LPA: variants seen among roughly 807,000 people sequenced by gnomAD.
LPA encodes the protein apolipoprotein(a).
Under a neutral mutation model 197.9 loss-of-function variants are expected in LPA, and 199 were observed. That is an observed-to-expected ratio of 1.01 (90% CI 0.90 to 1.13). The LOEUF (loss-of-function observed/expected upper bound fraction) is 1.13, where lower values mean the gene tolerates loss of function less well. LPA is among the 50% of genes most tolerant of loss of function. The pLI, the probability that LPA is intolerant of heterozygous loss-of-function variation, is 0.00. For missense variants in LPA, 1,853 were observed against 1,785.8 expected (o/e 1.04, Z -0.68); for synonymous variants, 715 against 639.5 (o/e 1.12, Z -1.78).
chr6:160,549,210 A>G (rs2115004883), intron 30 of LPA, among the ~76,000 whole-genome samples: 1 of 152,274 alleles, frequency 6.6e-6, no homozygotes, highest in East Asian at 1.9e-4. Context: ...ACACATGGGG[A>G]TTATCAGGAT....
chr6:160,553,066 A>G (rs1299592261), intron 30 of LPA, among the ~76,000 whole-genome samples: 1 of 152,184 alleles, frequency 6.6e-6, no homozygotes, highest in African/African-American at 2.4e-5. Context: ...AACTTCATGG[A>G]TAATGCAAAA....
In LPA at chr6:160,611,638, T is replaced by A. The variant is rs769737517; in HGVS notation, c.2527A>T (p.Thr843Ser). The A allele has an allele frequency of 6.3e-7, 1 of 1,580,858 alleles. No individual in the cohort carries two copies. Among genetic ancestry groups the A allele is most frequent in the Non-Finnish European group, 8.6e-7 (1 of 1,165,440 alleles). ...GACCAAGCTTGGCAGGTTCTTCCAG[T>A]GACAGTGGTGGAGTATGTGCCTCGA... ...SYRGTYSTTV[T>S]GRTCQAWSSM... The change falls in exon 16 of 39, where the codon ACT becomes TCT. Residue 843 changes from threonine to serine, a missense_variant. This residue lies in a region of LPA where 1,737 missense variants were observed against 1,504.4 expected (regional missense o/e 1.15). Transcript: ENST00000316300.
At chr6:160,563,844 T>C (rs1280802778) in intron 28 of LPA, among the ~76,000 whole-genome samples, 2 of 152,244 alleles carry the variant, frequency 1.3e-5, no homozygotes, top group African/African-American at 2.4e-5. Flanking sequence ...TTTTGATCTT[T>C]GATGGTTTAA....
intron 2 of LPA, among the ~76,000 whole-genome samples, chr6:160,647,269 G>C (rs757123187): frequency 1.3e-5 from 2 of 152,154 alleles, no homozygotes; most frequent in Non-Finnish European, 2.9e-5. Context: ...AAAAAACAAT[G>C]AATTAGGAGG....
chr6:160,585,664 G>T (rs986038819), intron 25 of LPA, among the ~76,000 whole-genome samples: 2 of 152,040 alleles, frequency 1.3e-5, no homozygotes, highest in Non-Finnish European at 2.9e-5. Flanking sequence ...AGATTCTGGG[G>T]TGTGGGGCAG....
At chr6:160,596,228 TG>T (rs1317616489) in intron 20 of LPA, among the ~76,000 whole-genome samples, 2 of 152,206 alleles carry the variant, frequency 1.3e-5, no homozygotes, top group African/African-American at 2.4e-5. Flanking sequence ...GCACCCTCAT[TG>T]GTCTGTCATT....
At chr6:160,606,880 T>C (rs967347631) in intron 16 of LPA, among the ~76,000 whole-genome samples, 2 of 152,180 alleles carry the variant, frequency 1.3e-5, no homozygotes, top group Non-Finnish European at 2.9e-5. Flanking sequence ...AAATCTAAAG[T>C]AGCAAACGCT....
chr6:160,575,190 C>G (rs7454656), intron 28 of LPA, among the ~76,000 whole-genome samples: 15 of 151,848 alleles, frequency 9.9e-5, no homozygotes, highest in Admixed American at 2.6e-4. Context: ...AATCTGTGAG[C>G]TTTTTTTTCT....
chr6:160,561,401 C>T (rs1478757903), intron 28 of LPA, among the ~76,000 whole-genome samples: 3 of 152,082 alleles, frequency 2.0e-5, no homozygotes, highest in Non-Finnish European at 4.4e-5. Context: ...ATTTCTGAGG[C>T]CTCTGTTCTG....
Position 160,532,568 on chromosome 6 carries a change from C to G in LPA, c.5924G>C (p.Cys1975Ser). ...NEVCNHYKYI[C>S]AEHLARGTDS... The stretch of plus-strand genomic sequence containing the variant: ...AGTGCCTCTGGCCAAATGCTCAGCA[C>G]AAATATACTTATAGTGATTGCACAC... The change falls in exon 38 of 39, where the codon TGT becomes TCT. Residue 1975 changes from cysteine (C) to serine (S), a missense_variant. Around this residue, in one of 3 missense-constraint regions of LPA, gnomAD observed 1,737 missense variants for 1,504.4 expected, o/e 1.15. Coordinates refer to ENST00000316300, the MANE Select transcript of LPA (RefSeq NM_005577.4). 1 of 1,613,160 alleles carries G rather than the reference C, an allele frequency of 6.2e-7. No individual in the cohort carries two copies. Among genetic ancestry groups the G allele is most frequent in the Admixed American group, 1.7e-5 (1 of 59,998 alleles).
chr6:160,556,343 A>G (rs9457938), intron 29 of LPA, among the ~76,000 whole-genome samples, 159 bp from the exon 30 acceptor site: 134,104 of 151,850 alleles, frequency 0.88, 59,566 homozygotes, highest in East Asian at 1. Context: ...TAGATTAATA[A>G]CATTCTAATA....
rs1777831582 is a variant in LPA at position 160,533,069 on chromosome 6, T to G, written c.5843-420A>C. ...CTATACTGATTTTTTCAATCAATGT[T>G]ATATCATGAGTTTTTAAAAAAATGC... On this transcript the variant is annotated intron_variant, in intron 37 of 38. Coordinates refer to ENST00000316300, the MANE Select transcript of LPA (RefSeq NM_005577.4). Among the ~76,000 whole-genome samples, 3 of 152,192 alleles carry G rather than the reference T, an allele frequency of 2.0e-5. No individual in the cohort carries two copies. The South Asian group carries it at 6.2e-4, about 32-fold the overall frequency.
intron 18 of LPA, among the ~76,000 whole-genome samples, chr6:160,604,368 T>C (rs1274391496): frequency 6.6e-6 from 1 of 152,192 alleles, no homozygotes; most frequent in East Asian, 1.9e-4. Flanking sequence ...TTGTCCAACA[T>C]GTAGAAACCA....
At chr6:160,576,342 A>G (rs9355293) in intron 28 of LPA, among the ~76,000 whole-genome samples, 1,013 of 6,038 alleles carry the variant, frequency 0.17, 11 homozygotes, top group African/African-American at 0.28. Flanking sequence ...GTGTGTGTGT[A>G]TATATATATA....
At chr6:160,600,173 G>C (rs557266222) in intron 19 of LPA, among the ~76,000 whole-genome samples, 2 of 152,170 alleles carry the variant, frequency 1.3e-5, no homozygotes, top group Non-Finnish European at 2.9e-5. Flanking sequence ...AAAACTGTAG[G>C]CAACAACACT....
At chr6:160,585,492 T>C (rs1470251631) in intron 25 of LPA, among the ~76,000 whole-genome samples, 4 of 152,092 alleles carry the variant, frequency 2.6e-5, no homozygotes, top group South Asian at 2.1e-4. Flanking sequence ...ATGTGAATGG[T>C]CTTTTGCTTA....
intron 1 of LPA, among the ~76,000 whole-genome samples, chr6:160,653,020 G>C (rs1244608033): frequency 6.6e-6 from 1 of 152,072 alleles, no homozygotes; most frequent in Non-Finnish European, 1.5e-5. Flanking sequence ...CTTAATGGTA[G>C]ATTTAAATTT....
intron 26 of LPA, among the ~76,000 whole-genome samples, chr6:160,580,268 A>G (rs565628892): frequency 6.6e-6 from 1 of 151,912 alleles, no homozygotes; most frequent in South Asian, 2.1e-4. Context: ...TTCTTTTTTC[A>G]TTTTCTTTTG....
chr6:160,658,893 A>ATAT (rs1780175176), intron 1 of LPA, among the ~76,000 whole-genome samples: 1 of 117,908 alleles, frequency 8.5e-6, no homozygotes, highest in African/African-American at 3.0e-5. Context: ...TATATATATG[A>ATAT]GAGAGAGAGA....
Sources: gnomAD v4.1 joint callset for allele counts (sites outside exome capture counted in the v4.1 genomes callset) on GRCh38, gnomAD v4.1.1 for gene constraint, gnomAD v4.1.1 regional missense constraint, MANE v1.5 for transcripts, NCBI Gene and HGNC (gene_info 2026-07-23, HGNC 2026-07-21) for gene names.